The following JAKMIP2 variants were observed in gnomAD, a reference collection of about 807,000 sequenced individuals.
The protein encoded by JAKMIP2 is janus kinase and microtubule-interacting protein 2.
JAKMIP2 carries 25 observed loss-of-function variants against 115.0 expected under a neutral mutation model. The ratio of observed to expected loss-of-function variants is 0.22; its 90% confidence interval spans 0.16 to 0.30. The LOEUF (loss-of-function observed/expected upper bound fraction) is 0.30. JAKMIP2 is among the 10% of genes least tolerant of loss of function. JAKMIP2 has a pLI of 1.00. For synonymous variants in JAKMIP2, 334 were observed against 343.6 expected, an observed-to-expected ratio of 0.97 and a Z score of 0.31; for missense variants, 642 against 957.6, an observed-to-expected ratio of 0.67 and a Z score of 4.35.
intron 5 of JAKMIP2, among the ~76,000 whole-genome samples, chr5:147,645,589 C>A (rs2126731067): frequency 6.6e-6 from 1 of 152,218 alleles, no homozygotes; most frequent in South Asian, 2.1e-4. Context: ...CAAATTCTCC[C>A]CAAGCTTAGT....
At chr5:147,644,580 G>C (rs895099143) in intron 6 of JAKMIP2, among the ~76,000 whole-genome samples, 3 of 152,196 alleles carry the variant, frequency 2.0e-5, no homozygotes, top group African/African-American at 4.8e-5. Context: ...CTGTGGCTAA[G>C]TTATGTCAAA....
intron 1 of JAKMIP2, among the ~76,000 whole-genome samples, chr5:147,734,777 CAAG>C (rs1390355878): frequency 2.0e-5 from 3 of 151,944 alleles, no homozygotes; most frequent in African/African-American, 4.8e-5. Flanking sequence ...GATTGTTTTC[CAAG>C]AAGGACAACA....
chr5:147,722,305 T>G (rs1187388195), intron 1 of JAKMIP2, among the ~76,000 whole-genome samples: 2 of 152,196 alleles, frequency 1.3e-5, no homozygotes, highest in Non-Finnish European at 2.9e-5. Flanking sequence ...TATCACAGGA[T>G]TCAGGTTTGT....
At chr5:147,667,257 T>C (rs17107104) in intron 2 of JAKMIP2, among the ~76,000 whole-genome samples, 13,104 of 151,990 alleles carry the variant, frequency 0.086, 687 homozygotes, top group Admixed American at 0.14. Context: ...AGAGGTTCTA[T>C]GGGAAAAAAG....
intron 16 of JAKMIP2, among the ~76,000 whole-genome samples, chr5:147,628,296 A>G (rs951367441): frequency 2.0e-5 from 3 of 152,164 alleles, no homozygotes; most frequent in African/African-American, 4.8e-5. Context: ...TTCTCCTGAC[A>G]GTCTCTATGT....
chr5:147,684,883 AG>A (rs1221528006), intron 1 of JAKMIP2, among the ~76,000 whole-genome samples: 2 of 152,136 alleles, frequency 1.3e-5, no homozygotes, highest in African/African-American at 4.8e-5. Flanking sequence ...ATTATGATGG[AG>A]GGGTAGAAGA....
chr5:147,779,226 A>C (rs1755670908), intron 1 of JAKMIP2, among the ~76,000 whole-genome samples: 1 of 152,136 alleles, frequency 6.6e-6, no homozygotes. Flanking sequence ...GAAACATCCT[A>C]TTACAAAGTG....
intron 1 of JAKMIP2, among the ~76,000 whole-genome samples, chr5:147,692,316 G>A (rs1018075797): frequency 5.9e-5 from 9 of 152,158 alleles, no homozygotes; most frequent in African/African-American, 2.2e-4. Flanking sequence ...TAGAGCTCCG[G>A]AAAGAACCAA....
chr5:147,688,871 A>T (rs1308235703), intron 1 of JAKMIP2, among the ~76,000 whole-genome samples: 1 of 152,250 alleles, frequency 6.6e-6, no homozygotes, highest in Non-Finnish European at 1.5e-5. Context: ...GCAGTGAATA[A>T]ATAAAACAGA....
chr5:147,659,093 G>GAAAA (rs34795261), intron 3 of JAKMIP2, among the ~76,000 whole-genome samples: 106 of 143,194 alleles, frequency 7.4e-4, no homozygotes, highest in East Asian at 2.9e-3. Flanking sequence ...GCTGGAGTAT[G>GAAAA]AAAAAAAAAA....
At chr5:147,729,086 G>A (rs1332011929) in intron 1 of JAKMIP2, among the ~76,000 whole-genome samples, 2 of 152,170 alleles carry the variant, frequency 1.3e-5, no homozygotes, top group Non-Finnish European at 2.9e-5. Flanking sequence ...GGTGTGTAAG[G>A]GAGAAGGGAA....
At chr5:147,698,114 T>A (rs1477458425) in intron 1 of JAKMIP2, among the ~76,000 whole-genome samples, 1 of 152,206 alleles carries the variant, frequency 6.6e-6, no homozygotes, top group African/African-American at 2.4e-5. Flanking sequence ...TGCATTAGTG[T>A]GACCTGAATG....
intron 1 of JAKMIP2, among the ~76,000 whole-genome samples, chr5:147,678,606 A>G (rs1442498790): frequency 1.3e-5 from 2 of 152,180 alleles, no homozygotes; most frequent in East Asian, 1.9e-4. Flanking sequence ...AAACACTGCA[A>G]TATTAAAATC....
Position 147,586,804 on chromosome 5 carries a change from G to C in JAKMIP2, c.*4903C>G, listed in dbSNP as rs1283575905. The C allele has an allele frequency of 7.1e-6, 1 of 139,916 alleles. No homozygotes were observed. Among genetic ancestry groups the C allele is most frequent in the East Asian group, 2.1e-4 (1 of 4,752 alleles). The allele number at this position is 139,916 out of a possible 1,614,324, so 8.7% of individuals were successfully genotyped here. ...GATGAGGTCTCACCATGTTGCCCAG[G>C]CCGTTATGAAACTCCTGGGCCCAAG... On this transcript the variant is annotated 3_prime_UTR_variant, in exon 22 of 22. Coordinates refer to ENST00000616793, the MANE Select transcript of JAKMIP2 (RefSeq NM_001270941.2).
chr5:147,585,713 A>G lies in JAKMIP2; in HGVS notation c.*5994T>C, dbSNP rs1327155069. On this transcript the variant is annotated 3_prime_UTR_variant, in exon 22 of 22. Coordinates refer to ENST00000616793, the MANE Select transcript of JAKMIP2 (RefSeq NM_001270941.2). Reference sequence around the variant, plus strand: ...GAGTCATGCTAATGAGATGGAAAGAAAGAACCCCAATTGAGGCAGTTGATT... The same window carrying G: ...GAGTCATGCTAATGAGATGGAAAGAGAGAACCCCAATTGAGGCAGTTGATT... 6.6e-6 allele frequency: 1 copy of G among 152,170 alleles called. No individual in the cohort carries two copies. Among genetic ancestry groups the G allele is most frequent in the Non-Finnish European group, 1.5e-5 (1 of 68,038 alleles). 9.4% of individuals were successfully genotyped at this position (152,170 alleles called of 1,614,324 possible).
chr5:147,681,994 C>T (rs749575398), intron 1 of JAKMIP2, among the ~76,000 whole-genome samples: 11 of 149,028 alleles, frequency 7.4e-5, no homozygotes, highest in African/African-American at 2.5e-4. Context: ...GAGCTGAGGT[C>T]GTGCCACTGC....
intron 1 of JAKMIP2, among the ~76,000 whole-genome samples, chr5:147,691,072 C>G (rs956067873): frequency 6.6e-6 from 1 of 152,086 alleles, no homozygotes; most frequent in Non-Finnish European, 1.5e-5. Flanking sequence ...AGTCAAAGTG[C>G]TAGCAGATAG....
intron 1 of JAKMIP2, among the ~76,000 whole-genome samples, chr5:147,742,266 C>T (rs1754179309): frequency 6.6e-6 from 1 of 151,370 alleles, no homozygotes; most frequent in East Asian, 2.0e-4. Flanking sequence ...CACAAAATCC[C>T]TGATGCTTGT....
At chr5:147,611,472 G>A (rs1756318356) in intron 20 of JAKMIP2, among the ~76,000 whole-genome samples, 1 of 152,116 alleles carries the variant, frequency 6.6e-6, no homozygotes, top group Non-Finnish European at 1.5e-5. Context: ...CTTGGGTGAG[G>A]CAACACCCCA....
Sources: allele counts gnomAD v4.1 joint callset (sites outside exome capture counted in the v4.1 genomes callset), GRCh38; gene constraint gnomAD v4.1.1; transcripts MANE v1.5; gene names NCBI Gene and HGNC (gene_info 2026-07-23, HGNC 2026-07-21).